Variants in ARHGAP6 observed in about 807,000 individuals in gnomAD.
The protein encoded by ARHGAP6 is Rho GTPase activating protein 6, also known as rho GTPase-activating protein 6.
A neutral mutation model predicts 55.7 loss-of-function variants in ARHGAP6; 16 were observed. That is an observed-to-expected ratio of 0.29 (90% CI 0.19 to 0.44). The LOEUF (loss-of-function observed/expected upper bound fraction) is 0.44. ARHGAP6 is among the 20% of genes least tolerant of loss of function. The pLI is 1.00. For missense variants in ARHGAP6, 698 were observed against 808.9 expected, an observed-to-expected ratio of 0.86 and a Z score of 1.66; for synonymous variants, 382 against 360.9, an observed-to-expected ratio of 1.06 and a Z score of -0.66.
In ARHGAP6 at chrX:11,608,765, T is replaced by G. The variant is rs141940841; in HGVS notation, c.588+55476A>C. On this transcript the variant is annotated intron_variant, in intron 1 of 12. Coordinates refer to ENST00000337414, the MANE Select transcript of ARHGAP6 (RefSeq NM_013427.3). Reference sequence around the variant, plus strand: ...TGATGGTTTTATCAGGGGGTTCCGCTTTTGCATCTTCCTCATTTGCTCTTG... The same window carrying G: ...TGATGGTTTTATCAGGGGGTTCCGCGTTTGCATCTTCCTCATTTGCTCTTG... 6.4e-3 allele frequency among the ~76,000 whole-genome samples: 711 copies of G among 111,818 alleles called. 5 individuals carry two copies. Among genetic ancestry groups the G allele is most frequent in the African/African-American group, 0.021 (660 of 30,786 alleles).
chrX:11,436,264 T>A (rs1029964097), intron 1 of ARHGAP6, among the ~76,000 whole-genome samples: 1 of 112,697 alleles, frequency 8.9e-6, no homozygotes, highest in African/African-American at 3.2e-5. Context: ...TTATAACAGA[T>A]AATATGACAA....
chrX:11,217,809 T>C (rs749406160), intron 2 of ARHGAP6, among the ~76,000 whole-genome samples: 1 of 112,045 alleles, frequency 8.9e-6, no homozygotes, highest in South Asian at 3.8e-4. Flanking sequence ...CTGAATGGTA[T>C]TGCCTAGGTT....
At chrX:11,237,843 T>A (rs2047223145) in intron 2 of ARHGAP6, among the ~76,000 whole-genome samples, 1 of 112,132 alleles carries the variant, frequency 8.9e-6, no homozygotes, top group African/African-American at 3.2e-5. Context: ...AGAAACTGCA[T>A]ATAATCTGTG....
intron 1 of ARHGAP6, among the ~76,000 whole-genome samples, chrX:11,530,805 G>C (rs2051040293): frequency 9.0e-6 from 1 of 111,609 alleles, no homozygotes; most frequent in African/African-American, 3.3e-5. Flanking sequence ...GCTGGGGGAG[G>C]CCTATGTAAC....
Position 11,435,008 on chromosome X carries a change from G to T in ARHGAP6, c.589-180301C>A, listed in dbSNP as rs574489421. The stretch of plus-strand genomic sequence containing the variant: ...TTGGGGACCATGCCTTATGAAGGTG[G>T]TTCTCAGCCAGGGGCAGATTTGCCC... On this transcript the variant is annotated intron_variant, in intron 1 of 12. Coordinates refer to ENST00000337414, the MANE Select transcript of ARHGAP6 (RefSeq NM_013427.3). Among the ~76,000 whole-genome samples the T allele has an allele frequency of 1.5e-4, 17 of 112,133 alleles. No homozygotes were observed. In the South Asian group the frequency reaches 6.4e-3, roughly 42 times the overall value.
chrX:11,505,084 C>A (rs1224368430), intron 1 of ARHGAP6, among the ~76,000 whole-genome samples: 1 of 110,670 alleles, frequency 9.0e-6, no homozygotes, highest in Non-Finnish European at 1.9e-5. Flanking sequence ...GCAACAGAGT[C>A]CAAACTAGGC....
intron 1 of ARHGAP6, among the ~76,000 whole-genome samples, chrX:11,281,571 A>G (rs1350628926): frequency 9.0e-6 from 1 of 111,626 alleles, no homozygotes; most frequent in Non-Finnish European, 1.9e-5. Context: ...GTCATGAAAA[A>G]AAGTGGAGTA....
chrX:11,646,253 T>C (rs1252082672), intron 1 of ARHGAP6, among the ~76,000 whole-genome samples: 1 of 111,369 alleles, frequency 9.0e-6, no homozygotes. Context: ...CCATGGGTAT[T>C]ACAGGTCTCT....
intron 1 of ARHGAP6, among the ~76,000 whole-genome samples, chrX:11,560,000 C>T (rs1351715494): frequency 1.9e-5 from 2 of 107,119 alleles, no homozygotes; most frequent in African/African-American, 3.4e-5. Context: ...ATAAATCAAC[C>T]GAACAACCAT....
intron 1 of ARHGAP6, among the ~76,000 whole-genome samples, chrX:11,547,001 A>T (rs191640018): frequency 1.6e-4 from 18 of 112,621 alleles, no homozygotes; most frequent in Admixed American, 1.4e-3. Context: ...ATTACAAGAA[A>T]ATCTGAGACA....
intron 1 of ARHGAP6, among the ~76,000 whole-genome samples, chrX:11,606,850 A>G (rs1188638617): frequency 4.5e-5 from 5 of 112,123 alleles, no homozygotes; most frequent in Middle Eastern, 4.6e-3. Context: ...TAGGAAGACC[A>G]CTTCACAAAA....
Position 11,664,436 on chromosome X carries a change from G to C in ARHGAP6, c.393C>G (p.Leu131=), listed in dbSNP as rs202088976. 8 of 1,210,944 alleles carry C rather than the reference G, an allele frequency of 6.6e-6. No homozygotes were observed. The East Asian group carries it at 2.4e-4, about 36-fold the overall frequency. The change falls in exon 1 of 13, where the codon CTC becomes CTG. Residue 131 remains leucine, a synonymous_variant. Transcript: ENST00000337414. The stretch of plus-strand genomic sequence containing the variant: ...GCAGGTCCCAGGCCATGCTCTTCTT[G>C]AGGCCGCCGCGACCCAGGGGAACCT... ...DYEVPLGRGG[L]KKSMAWDLPS... is the part of the protein sequence containing the mutation.
chrX:11,151,523 C>G (rs960336247), intron 10 of ARHGAP6, among the ~76,000 whole-genome samples: 6 of 111,322 alleles, frequency 5.4e-5, no homozygotes, highest in African/African-American at 1.6e-4. Context: ...TCATAAAAAT[C>G]TCTTCTAATC....
At chrX:11,357,550 C>G (rs777796564) in intron 1 of ARHGAP6, among the ~76,000 whole-genome samples, 1 of 111,590 alleles carries the variant, frequency 9.0e-6, no homozygotes, top group Admixed American at 9.5e-5. Flanking sequence ...GTGTTTGGGT[C>G]AGTTAATCAG....
intron 10 of ARHGAP6, among the ~76,000 whole-genome samples, chrX:11,154,059 C>T (rs371577949): frequency 1.0e-4 from 11 of 110,017 alleles, no homozygotes; most frequent in Admixed American, 7.8e-4. Flanking sequence ...TGAGAACATG[C>T]GGTGTTTGGT....
intron 1 of ARHGAP6, among the ~76,000 whole-genome samples, chrX:11,487,890 ATAAT>A (rs1404791105): frequency 1.8e-5 from 2 of 112,442 alleles, no homozygotes; most frequent in Non-Finnish European, 3.8e-5. Context: ...TAACACAGTA[ATAAT>A]TAATTTAGCC....
At chrX:11,506,730 T>C (rs1026187519) in intron 1 of ARHGAP6, among the ~76,000 whole-genome samples, 9 of 111,689 alleles carry the variant, frequency 8.1e-5, no homozygotes, top group Non-Finnish European at 1.5e-4. Flanking sequence ...AGCAGCATGA[T>C]TTATAATCCT....
chrX:11,311,991 G>A (rs1288772191), intron 1 of ARHGAP6, among the ~76,000 whole-genome samples: 2 of 97,161 alleles, frequency 2.1e-5, no homozygotes, highest in African/African-American at 3.8e-5. Flanking sequence ...ATATGAGGCT[G>A]ATAAAAAAAA....
At chrX:11,566,067 G>A (rs1268081339) in intron 1 of ARHGAP6, among the ~76,000 whole-genome samples, 2 of 112,228 alleles carry the variant, frequency 1.8e-5, no homozygotes, top group Non-Finnish European at 3.8e-5. Context: ...CCCCAGATAC[G>A]AATTTAGTGC....
Sources: allele counts gnomAD v4.1 joint callset (sites outside exome capture counted in the v4.1 genomes callset), GRCh38; gene constraint gnomAD v4.1.1; transcripts MANE v1.5; gene names NCBI Gene and HGNC (gene_info 2026-07-23, HGNC 2026-07-21).